Variants in COL14A1 observed in about 807,000 individuals in gnomAD.
The protein encoded by COL14A1 is collagen type XIV alpha 1 chain.
COL14A1 carries 136 observed loss-of-function variants against 230.3 expected under a neutral mutation model. That is an observed-to-expected ratio of 0.59 (90% CI 0.51 to 0.68). The LOEUF (loss-of-function observed/expected upper bound fraction) is 0.68. Among genes scored for constraint, COL14A1 ranks in the 30% least tolerant of loss-of-function variants. The pLI is 0.00. For missense variants in COL14A1, 1,976 were observed against 2,215.8 expected, an observed-to-expected ratio of 0.89 and a Z score of 2.17; for synonymous variants, 792 against 784.1, an observed-to-expected ratio of 1.01 and a Z score of -0.17.
At chr8:120,300,916 T>A in intron 36 of COL14A1, 98 bp downstream of exon 36, 1 of 907,612 alleles carries the variant, frequency 1.1e-6, no homozygotes. Flanking sequence ...TAAATGGCTA[T>A]TACTCACTTA....
intron 13 of COL14A1, 102 bp downstream of exon 13, chr8:120,212,679 C>T (rs1380000011): frequency 8.0e-7 from 1 of 1,256,362 alleles, no homozygotes. Flanking sequence ...CTCTTAAAAG[C>T]TAATTATAAT....
At chr8:120,238,665 T>G (rs1383193775) in intron 19 of COL14A1, among the ~76,000 whole-genome samples, 2 of 152,130 alleles carry the variant, frequency 1.3e-5, no homozygotes, top group African/African-American at 4.8e-5. Context: ...GAAAATAAAC[T>G]CTTGCAGCTA....
intron 4 of COL14A1, among the ~76,000 whole-genome samples, chr8:120,163,051 G>C (rs1427340878): frequency 6.6e-6 from 1 of 152,178 alleles, no homozygotes; most frequent in Non-Finnish European, 1.5e-5. Context: ...TGTCTGAATG[G>C]ATAATGCCTG....
chr8:120,199,660 A>G, intron 8 of COL14A1, 94 bp downstream of exon 8: 2 of 1,297,118 alleles, frequency 1.5e-6, no homozygotes, highest in Non-Finnish European at 2.1e-6. Flanking sequence ...ACTGAAAGCC[A>G]GGAGACCTGA....
chr8:120,279,225 T>C (rs1819957563), intron 28 of COL14A1, among the ~76,000 whole-genome samples: 1 of 152,000 alleles, frequency 6.6e-6, no homozygotes, highest in African/African-American at 2.4e-5. Context: ...AGATGACAGG[T>C]TGATAGGTGC....
At chr8:120,208,884 A>G (rs1286275766) in intron 11 of COL14A1, among the ~76,000 whole-genome samples, 1 of 152,186 alleles carries the variant, frequency 6.6e-6, no homozygotes, top group African/African-American at 2.4e-5. Context: ...ACACAGAATC[A>G]TGAGAAGAGA....
At chr8:120,127,543 G>A (rs1026020962) in intron 1 of COL14A1, among the ~76,000 whole-genome samples, 17 of 152,292 alleles carry the variant, frequency 1.1e-4, no homozygotes, top group Admixed American at 3.9e-4. Context: ...GGCCCTCCAC[G>A]CATGTCTTGA....
intron 19 of COL14A1, 61 bp downstream of exon 19, chr8:120,231,679 T>C (rs1251742956): frequency 5.9e-6 from 9 of 1,538,122 alleles, no homozygotes; most frequent in Non-Finnish European, 7.9e-6. Context: ...CTAATAAGAC[T>C]GTCTTCGGAG....
Position 120,291,619 on chromosome 8 carries a change from T to C in COL14A1, c.4236+1853T>C, listed in dbSNP as rs1341203150. On this transcript the variant is annotated intron_variant, in intron 34 of 47. Transcript: ENST00000297848. ...AAAGAAAGAGAAACCATTCTAGGTATATGAGATTCTGGGCCCAGATCACAT... is the reference window on the plus strand; with the variant it reads ...AAAGAAAGAGAAACCATTCTAGGTACATGAGATTCTGGGCCCAGATCACAT... Among the ~76,000 whole-genome samples the C allele has an allele frequency of 3.4e-5, 5 of 147,558 alleles. No homozygotes were observed. The East Asian group carries it at 9.9e-4, about 29-fold the overall frequency.
chr8:120,261,038 T>C (rs1819306095), intron 23 of COL14A1, among the ~76,000 whole-genome samples: 1 of 152,178 alleles, frequency 6.6e-6, no homozygotes, highest in Non-Finnish European at 1.5e-5. Flanking sequence ...TGTTTGATAG[T>C]ACACTAGGGA....
rs77961611 is a variant in COL14A1, at chr8:120,355,138, G to A, written c.5077+9575G>A. ...ACTATTTGTCAATTGCTTTTCTGAC[G>A]TCAACTCACTCTTGAGTCACATTTT... is the stretch of plus-strand genomic sequence containing the variant. On this transcript the variant is annotated intron_variant, in intron 45 of 47. Coordinates refer to ENST00000297848, the MANE Select transcript of COL14A1 (RefSeq NM_021110.4). 5.1e-3 allele frequency among the ~76,000 whole-genome samples: 780 copies of A among 152,226 alleles called. 8 individuals are homozygous for A. Among genetic ancestry groups the A allele is most frequent in the African/African-American group, 0.016 (684 of 41,544 alleles).
At position 120,199,412 on chromosome 8, in the gene COL14A1, G is replaced by A. The variant is rs114432378; in HGVS notation, c.723G>A (p.Leu241=). Residue 241 remains leucine, a synonymous_variant, in exon 8 of 48, where the codon TTG becomes TTA. Transcript: ENST00000297848. ...CTTGTTTTCTCCAAGGTCTTGCTTT[G>A]AACTACATTTTTGAAAATAGCTTCA... ...KGGNTLTGLA[L]NYIFENSFKP... is the part of the protein sequence containing the mutation. The A allele has an allele frequency of 5.0e-6, 8 of 1,599,412 alleles. No homozygotes were observed. The East Asian group carries it at 1.8e-4, about 36-fold the overall frequency.
intron 35 of COL14A1, among the ~76,000 whole-genome samples, chr8:120,300,188 C>G (rs1031285100): frequency 2.6e-5 from 4 of 152,164 alleles, no homozygotes; most frequent in Non-Finnish European, 4.4e-5. Flanking sequence ...CAGATCTACA[C>G]TGTGATGTTT....
At chr8:120,213,435 A>G (rs904049135) in intron 13 of COL14A1, among the ~76,000 whole-genome samples, 4 of 152,208 alleles carry the variant, frequency 2.6e-5, no homozygotes, top group African/African-American at 9.7e-5. Context: ...CATTTGGGAA[A>G]ACAAAATAGA....
chr8:120,233,665 C>T (rs1202438157), intron 19 of COL14A1, among the ~76,000 whole-genome samples: 2 of 152,086 alleles, frequency 1.3e-5, no homozygotes, highest in Non-Finnish European at 2.9e-5. Context: ...CTGTTCTGTT[C>T]CATTGGTTTA....
intron 3 of COL14A1, among the ~76,000 whole-genome samples, chr8:120,161,648 C>T (rs565853600): frequency 3.9e-5 from 6 of 152,136 alleles, no homozygotes; most frequent in Non-Finnish European, 1.5e-5. Context: ...TTACCTTCGG[C>T]CTGCCCATAT....
intron 5 of COL14A1, among the ~76,000 whole-genome samples, chr8:120,195,264 G>A (rs961219098): frequency 6.6e-6 from 1 of 151,938 alleles, no homozygotes; most frequent in Non-Finnish European, 1.5e-5. Context: ...TTAAGTAAAA[G>A]CATATTCAAC....
rs547590967 is a variant in COL14A1 at position 120,369,507 on chromosome 8, G to A, written c.5311+22G>A. ...AGAGGTAAGTGTCACAAAAAGCCCC[G>A]CTTGTGGGCTTTGATCAATGTTTTA... On this transcript the variant is annotated intron_variant, in intron 47 of 47. Transcript: ENST00000297848. 18 of 1,518,508 alleles carry A rather than the reference G, an allele frequency of 1.2e-5. No individual in the cohort carries two copies. In the Admixed American group the frequency reaches 1.5e-4, roughly 12 times the overall value. 94.1% of individuals were successfully genotyped at this position (1,518,508 alleles called of 1,614,324 possible).
intron 35 of COL14A1, among the ~76,000 whole-genome samples, chr8:120,298,339 A>G (rs1820591824): frequency 6.6e-6 from 1 of 151,620 alleles, no homozygotes; most frequent in African/African-American, 2.4e-5. Flanking sequence ...TGTGAGCTCA[A>G]TATAGTGCTC....
Sources: gnomAD v4.1 joint callset for allele counts (sites outside exome capture counted in the v4.1 genomes callset) on GRCh38, gnomAD v4.1.1 for gene constraint, MANE v1.5 for transcripts, NCBI Gene and HGNC (gene_info 2026-07-23, HGNC 2026-07-21) for gene names.